The following SAMHD1 variants were observed in gnomAD, a reference collection of about 807,000 sequenced individuals.
SAMHD1 encodes SAM and HD domain containing deoxynucleoside triphosphate triphosphohydrolase 1.
SAMHD1 carries 54 observed loss-of-function variants against 79.6 expected under a neutral mutation model. The observed-to-expected ratio is 0.68, with a 90% confidence interval of 0.55 to 0.85. The LOEUF (loss-of-function observed/expected upper bound fraction) is 0.85. SAMHD1 is among the 40% of genes least tolerant of loss of function. The probability of loss-of-function intolerance (pLI) is 0.00; values close to 1 mark genes in which losing one functional copy is unlikely to be tolerated. For missense variants in SAMHD1, 663 were observed against 782.7 expected, an observed-to-expected ratio of 0.85 and a Z score of 1.82; for synonymous variants, 260 against 264.1, an observed-to-expected ratio of 0.98 and a Z score of 0.15.
chr20:36,912,955 G>C (rs375720444), intron 9 of SAMHD1, among the ~76,000 whole-genome samples: 1 of 112,958 alleles, frequency 8.9e-6, no homozygotes, highest in Non-Finnish European at 1.7e-5. Context: ...TGGAGTACAA[G>C]TCCTTCATTG....
intron 11 of SAMHD1, among the ~76,000 whole-genome samples, chr20:36,909,242 G>A (rs1170320577): frequency 6.6e-6 from 1 of 152,116 alleles, no homozygotes; most frequent in Admixed American, 6.6e-5. Context: ...GATTACAGGC[G>A]TAAGCCACCG....
chr20:36,922,207 GAA>G (rs1205855767), intron 6 of SAMHD1, among the ~76,000 whole-genome samples: 1 of 152,000 alleles, frequency 6.6e-6, no homozygotes, highest in African/African-American at 2.4e-5. Context: ...CTGGACCAGG[GAA>G]AAAAAGTTTT....
intron 11 of SAMHD1, 118 bp from the exon 12 acceptor site, chr20:36,905,621 T>G: frequency 1.1e-6 from 1 of 893,938 alleles, no homozygotes; most frequent in East Asian, 2.6e-5. Context: ...GGTACATTAT[T>G]ATTTTAGCAA....
intron 11 of SAMHD1, among the ~76,000 whole-genome samples, chr20:36,909,461 G>C (rs2148363591): frequency 6.6e-6 from 1 of 151,832 alleles, no homozygotes; most frequent in South Asian, 2.1e-4. Context: ...CTGAGATCAG[G>C]AGTTCCAGAC....
intron 3 of SAMHD1, among the ~76,000 whole-genome samples, chr20:36,939,075 CAAAAAAAA>C (rs1178988134): frequency 6.2e-4 from 14 of 22,534 alleles, no homozygotes; most frequent in Admixed American, 1.8e-3. Flanking sequence ...CTAAAAATAC[CAAAAAAAA>C]AAAAAAAAAA....
intron 1 of SAMHD1, among the ~76,000 whole-genome samples, chr20:36,950,295 A>G (rs2063724994): frequency 6.6e-6 from 1 of 151,978 alleles, no homozygotes; most frequent in South Asian, 2.1e-4. Flanking sequence ...AATCCATCCC[A>G]GCAGTGGAGG....
At chr20:36,924,461 G>A (rs767331934) in intron 6 of SAMHD1, among the ~76,000 whole-genome samples, 6 of 152,040 alleles carry the variant, frequency 3.9e-5, no homozygotes, top group Admixed American at 1.3e-4. Flanking sequence ...AGGAGGAGGA[G>A]GTGATCACAA....
At chr20:36,903,526 A>C (rs1207150089) in intron 13 of SAMHD1, among the ~76,000 whole-genome samples, 2 of 146,170 alleles carry the variant, frequency 1.4e-5, no homozygotes, top group Non-Finnish European at 3.0e-5. Context: ...GGCATGAGCC[A>C]CCGTGCCCAG....
chr20:36,898,585 G>T (rs374487980), intron 13 of SAMHD1, 41 bp from the exon 14 acceptor site: 852 of 1,476,826 alleles, frequency 5.8e-4, no homozygotes, highest in Non-Finnish European at 5.1e-4. Context: ...TAGCAAGCAG[G>T]AGAACTGAAC....
intron 3 of SAMHD1, among the ~76,000 whole-genome samples, chr20:36,938,876 A>T (rs1320802153): frequency 6.6e-6 from 1 of 151,484 alleles, no homozygotes; most frequent in Non-Finnish European, 1.5e-5. Flanking sequence ...CAACAACAAA[A>T]CATTATTATA....
At chr20:36,934,300 T>C (rs1601143883) in intron 4 of SAMHD1, among the ~76,000 whole-genome samples, 1 of 151,334 alleles carries the variant, frequency 6.6e-6, no homozygotes, top group Non-Finnish European at 1.5e-5. Flanking sequence ...CCGAGGCAGG[T>C]GGCTCACAAG....
At chr20:36,905,211 A>C in intron 12 of SAMHD1, 153 bp downstream of exon 12, 1 of 801,352 alleles carries the variant, frequency 1.2e-6, no homozygotes. Flanking sequence ...TCTATCTGTA[A>C]AACAGGCCTA....
chr20:36,950,325 G>A (rs1394187111), intron 1 of SAMHD1, among the ~76,000 whole-genome samples: 2 of 151,122 alleles, frequency 1.3e-5, no homozygotes, highest in Non-Finnish European at 2.9e-5. Context: ...GGGCAAAAGG[G>A]GGAAGAAAAA....
At chr20:36,909,901 A>G (rs1223931195) in intron 11 of SAMHD1, among the ~76,000 whole-genome samples, 3 of 151,798 alleles carry the variant, frequency 2.0e-5, no homozygotes, top group Non-Finnish European at 4.4e-5. Flanking sequence ...GGGCAACATA[A>G]TGGGACCCTG....
intron 5 of SAMHD1, among the ~76,000 whole-genome samples, chr20:36,929,157 C>T (rs1288861130): frequency 3.9e-5 from 6 of 152,028 alleles, no homozygotes; most frequent in Admixed American, 2.6e-4. Context: ...CATAAAGGCT[C>T]GCTAATGCAG....
intron 6 of SAMHD1, among the ~76,000 whole-genome samples, chr20:36,922,755 T>A (rs762565187): frequency 1.3e-5 from 2 of 152,112 alleles, no homozygotes; most frequent in East Asian, 3.9e-4. Context: ...CGATCACAGC[T>A]CATTGCAGCC....
intron 4 of SAMHD1, chr20:36,931,115 C>T (rs2063565565): frequency 1.9e-6 from 1 of 528,604 alleles, no homozygotes; most frequent in African/African-American, 1.9e-5. Flanking sequence ...TGAGATACCA[C>T]TTCACACCCC....
In SAMHD1 at chr20:36,890,396, C is replaced by CTTTCTTTCTT. The variant is rs1555830173; in HGVS notation, c.*2535_*2536insAAGAAAGAAA. ...ATACAAATAGCAAAGATATTTCTTT[C>CTTTCTTTCTT]TCTTTCTTTCTTTCTTTCTTTCTTT... On this transcript the variant is annotated 3_prime_UTR_variant, in exon 16 of 16. Transcript: ENST00000646673. 5 of 142,450 alleles carry CTTTCTTTCTT rather than the reference C, an allele frequency of 3.5e-5. No homozygotes were observed. Among genetic ancestry groups the CTTTCTTTCTT allele is most frequent in the East Asian group, 4.2e-4 (2 of 4,722 alleles). The allele number at this position is 142,450 out of a possible 1,614,324, so 8.8% of individuals were successfully genotyped here. A position where few individuals can be genotyped will look rare whatever the true frequency, so the allele number is the denominator to read the frequency against.
chr20:36,933,965 G>A (rs1309058032), intron 4 of SAMHD1, among the ~76,000 whole-genome samples: 1 of 151,712 alleles, frequency 6.6e-6, no homozygotes, highest in South Asian at 2.1e-4. Flanking sequence ...AGAATCACTT[G>A]AACCCTGGAG....
Sources: allele counts gnomAD v4.1 joint callset (sites outside exome capture counted in the v4.1 genomes callset), GRCh38; gene constraint gnomAD v4.1.1; transcripts MANE v1.5; gene names NCBI Gene and HGNC (gene_info 2026-07-23, HGNC 2026-07-21).